The following GJA5 variants were observed in gnomAD, a reference collection of about 807,000 sequenced individuals.
The protein encoded by GJA5 is gap junction protein alpha 5, also known as gap junction alpha-5 protein.
GJA5 carries 3 observed loss-of-function variants against 7.9 expected under a neutral mutation model. The ratio of observed to expected loss-of-function variants is 0.38; its 90% confidence interval spans 0.17 to 0.99. The LOEUF is 0.99. Ranked by LOEUF, GJA5 falls within the 50% of genes least tolerant of loss-of-function variation. The pLI is 0.38. For missense variants in GJA5, 390 were observed against 457.9 expected (o/e 0.85, Z 1.35); for synonymous variants, 193 against 181.0 (o/e 1.07, Z -0.53).
chr1:147,764,734 G>C (rs1012163218), upstream of GJA5, among the ~76,000 whole-genome samples: 3 of 150,206 alleles, frequency 2.0e-5, no homozygotes, highest in Non-Finnish European at 4.4e-5. Context: ...TGAGGCAGGA[G>C]AGTTGCTTGA....
chr1:147,758,905 C>T lies in GJA5; in HGVS notation c.334G>A (p.Glu112Lys), dbSNP rs886045252. ...MQEKRKLREAERAKEVRGSGS... is the reference protein window; with the variant it reads ...MQEKRKLREAKRAKEVRGSGS... ...GAGCCCCGGACCTCTTTGGCCCTCT[C>T]GGCCTCCCGTAGCTTGCGCTTCTCC... The change falls in exon 2 of 2, where the codon GAG becomes AAG. Residue 112 changes from glutamate to lysine, a missense_variant. By Grantham distance (56) the Glu-to-Lys change is moderately conservative. Transcript: ENST00000579774. 2.5e-6 allele frequency: 4 copies of T among 1,614,108 alleles called. No individual in the cohort carries two copies. Among genetic ancestry groups the T allele is most frequent in the Non-Finnish European group, 3.4e-6 (4 of 1,180,036 alleles).
At chr1:147,771,341 G>A (rs1018459420) in intron 1 of GJA5, among the ~76,000 whole-genome samples, 11 of 152,118 alleles carry the variant, frequency 7.2e-5, no homozygotes, top group Admixed American at 4.6e-4. Context: ...AAATCCAGCC[G>A]GGGGATGGAC....
In GJA5 at chr1:147,757,781, G is replaced by A. The variant is rs1401323738; in HGVS notation, c.*381C>T. The A allele has an allele frequency of 1.4e-5, 4 of 288,988 alleles. No homozygotes were observed. Among genetic ancestry groups the A allele is most frequent in the African/African-American group, 4.3e-5 (2 of 46,206 alleles). 17.9% of individuals were successfully genotyped at this position (288,988 alleles called of 1,614,324 possible). The stretch of plus-strand genomic sequence containing the variant: ...GAGGGAGGGTGATCAGGTCAAGGAG[G>A]TAGGAACTTAGAGAACGCATTTGGT... On this transcript the variant is annotated 3_prime_UTR_variant, in exon 2 of 2. Transcript: ENST00000579774.
chr1:147,768,364 C>A (rs1278325115), intron 1 of GJA5, among the ~76,000 whole-genome samples: 1 of 151,962 alleles, frequency 6.6e-6, no homozygotes. Flanking sequence ...GAAAGAGATT[C>A]GTGCTAGGAT....
intron 1 of GJA5, among the ~76,000 whole-genome samples, chr1:147,768,508 A>G (rs587655500): frequency 1.2e-4 from 18 of 152,348 alleles, no homozygotes; most frequent in Middle Eastern, 3.4e-3. Flanking sequence ...CTTAGTACCC[A>G]TGCAATTAAT....
At chr1:147,772,466 C>T (rs1210076742) in intron 1 of GJA5, among the ~76,000 whole-genome samples, 6 of 152,158 alleles carry the variant, frequency 3.9e-5, no homozygotes, top group Admixed American at 6.5e-5. Context: ...ATGAGGAAAC[C>T]GAGGCCCAGC....
chr1:147,767,884 T>A (rs10793704), intron 1 of GJA5, among the ~76,000 whole-genome samples: 34,543 of 152,202 alleles, frequency 0.23, 4,247 homozygotes, highest in East Asian at 0.32. Flanking sequence ...TTATATAAGA[T>A]GATTGAAGCA....
rs1553226716 is a variant in GJA5 at position 147,758,122 on chromosome 1, C to T, written c.*40G>A. On this transcript the variant is annotated 3_prime_UTR_variant, in exon 2 of 2. Transcript: ENST00000579774. ...GACACGTCTTTCCTCTCTGAGCCTC[C>T]TTTGTTCCCACCTGGTCCTGATCCT... 1 of 1,375,042 alleles carries T rather than the reference C, an allele frequency of 7.3e-7. No individual in the cohort carries two copies. Among genetic ancestry groups the T allele is most frequent in the Non-Finnish European group, 1.0e-6 (1 of 961,856 alleles). 85.2% of individuals were successfully genotyped at this position (1,375,042 alleles called of 1,614,324 possible).
chr1:147,765,112 A>G (rs1380015114), upstream of GJA5, among the ~76,000 whole-genome samples: 2 of 152,166 alleles, frequency 1.3e-5, no homozygotes, highest in African/African-American at 4.8e-5. Flanking sequence ...AATAAATAAA[A>G]ATAAAAGCTT....
Position 147,768,599 on chromosome 1 carries a change from G to A in GJA5, c.-34+4653C>T, listed in dbSNP as rs376093718. The stretch of plus-strand genomic sequence containing the variant: ...GATTTATAGTGCAGTAGAGCTGAAC[G>A]GAATGTAGAGATCAATCAAACTCAA... On this transcript the variant is annotated intron_variant, in intron 1 of 1. Transcript: ENST00000430508. Among the ~76,000 whole-genome samples the A allele has an allele frequency of 5.7e-4, 87 of 152,176 alleles. 1 individual carries two copies. The South Asian group carries it at 0.017, about 30-fold the overall frequency.
chr1:147,759,265 A>G lies in GJA5; in HGVS notation c.-27T>C, dbSNP rs2232190. On this transcript the variant is annotated 5_prime_UTR_variant, in exon 2 of 2. Coordinates refer to ENST00000579774, the MANE Select transcript of GJA5 (RefSeq NM_181703.4). ...TTGGCACAGCCAGGGAACAGATGCC[A>G]AAACTTCTGCAAATGGGAGAGAGAG... is the stretch of plus-strand genomic sequence containing the variant. The G allele has an allele frequency of 2.9e-3, 4,148 of 1,430,502 alleles. 96 individuals carry two copies. The African/African-American group carries it at 0.052, about 18-fold the overall frequency. The allele number at this position is 1,430,502 out of a possible 1,614,324, so 88.6% of individuals were successfully genotyped here. A position where few individuals can be genotyped will look rare whatever the true frequency, so the allele number is the denominator to read the frequency against.
In GJA5 at chr1:147,758,147, T is replaced by C. The variant is rs782673973; in HGVS notation, c.*15A>G. ...CTTTGTTCCCACCTGGTCCTGATCC[T>C]CCCATAAAGGAGGGTCACACTGATA... On this transcript the variant is annotated 3_prime_UTR_variant, in exon 2 of 2. Transcript: ENST00000579774. The C allele has an allele frequency of 1.9e-6, 3 of 1,550,538 alleles. No individual in the cohort carries two copies. The highest frequency in any genetic ancestry group is 2.7e-6 in the Non-Finnish European group (3 of 1,122,092).
chr1:147,759,575 T>C (rs1663906075), intron 1 of GJA5, among the ~76,000 whole-genome samples: 1 of 152,200 alleles, frequency 6.6e-6, no homozygotes, highest in South Asian at 2.1e-4. Context: ...GTAATTCTAC[T>C]TCAGGAGGTC....
chr1:147,770,295 G>T (rs948988801), intron 1 of GJA5, among the ~76,000 whole-genome samples: 1 of 152,144 alleles, frequency 6.6e-6, no homozygotes, highest in Non-Finnish European at 1.5e-5. Flanking sequence ...AAAGTGTAGA[G>T]GCTCTTCCAT....
At position 147,758,912 on chromosome 1, in the gene GJA5, C is replaced by T. The variant is rs143695986; in HGVS notation, c.327G>A (p.Arg109=). 1 of 1,614,272 alleles carries T rather than the reference C, an allele frequency of 6.2e-7. No individual in the cohort carries two copies. Among genetic ancestry groups the T allele is most frequent in the African/African-American group, 1.3e-5 (1 of 75,082 alleles). Residue 109 remains arginine (R), a synonymous_variant, in exon 2 of 2, where the codon CGG becomes CGA. Coordinates refer to ENST00000579774, the MANE Select transcript of GJA5 (RefSeq NM_181703.4). ...GGACCTCTTTGGCCCTCTCGGCCTC[C>T]CGTAGCTTGCGCTTCTCCTGCATGC... ...TVRMQEKRKL[R]EAERAKEVRG...
chr1:147,763,759 A>G (rs1228049671), upstream of GJA5, among the ~76,000 whole-genome samples: 2 of 152,188 alleles, frequency 1.3e-5, no homozygotes, highest in African/African-American at 4.8e-5. Flanking sequence ...CATGTACTGT[A>G]TGGCCAATGA....
At position 147,758,515 on chromosome 1, in the gene GJA5, G is replaced by A. The variant is rs782417838; in HGVS notation, c.724C>T (p.Arg242Trp). ...KKIRQRFVKP[R>W]QHMAKCQLSG... ...AGCTGGCACTTAGCCATGTGCTGCC[G>A]CGGTTTGACAAATCGCTGTCTGATC... The change falls in exon 2 of 2, where the codon CGG becomes TGG. Residue 242 changes from arginine (R) to tryptophan (W), a missense_variant. Coordinates refer to ENST00000579774, the MANE Select transcript of GJA5 (RefSeq NM_181703.4). 82 of 1,613,926 alleles carry A rather than the reference G, an allele frequency of 5.1e-5. No homozygotes were observed. The highest frequency in any genetic ancestry group is 6.7e-5 in the African/African-American group (5 of 74,938).
At chr1:147,761,445 G>T (rs1192889432), upstream of GJA5, among the ~76,000 whole-genome samples, 1 of 152,104 alleles carries the variant, frequency 6.6e-6, no homozygotes, top group African/African-American at 2.4e-5. Flanking sequence ...CAACCTCCTG[G>T]CCCTGTATTC....
intron 1 of GJA5, among the ~76,000 whole-genome samples, chr1:147,767,491 G>T (rs1664247672): frequency 6.8e-6 from 1 of 146,228 alleles, no homozygotes; most frequent in Non-Finnish European, 1.5e-5. Context: ...GAACTCAGGT[G>T]ATCCTCCCAC....
Sources: allele counts gnomAD v4.1 joint callset (sites outside exome capture counted in the v4.1 genomes callset), GRCh38; gene constraint gnomAD v4.1.1; transcripts MANE v1.5; gene names NCBI Gene and HGNC (gene_info 2026-07-23, HGNC 2026-07-21).